DMXL1: variants seen among roughly 807,000 people sequenced by gnomAD.
The protein encoded by DMXL1 is Dmx like 1.
A neutral mutation model predicts 319.2 loss-of-function variants in DMXL1; 99 were observed. The observed-to-expected ratio is 0.31, with a 90% CI of 0.26 to 0.37. The LOEUF is 0.37. DMXL1 is among the 10% of genes least tolerant of loss of function. The pLI, the probability that DMXL1 is intolerant of heterozygous loss-of-function variation, is 1.00. For missense variants in DMXL1, 3,745 were observed against 3,595.6 expected, an observed-to-expected ratio of 1.04 and a Z score of -1.06; for synonymous variants, 1,385 against 1,235.2, an observed-to-expected ratio of 1.12 and a Z score of -2.54.
chr5:119,157,450 A>G (rs77833589), intron 19 of DMXL1, among the ~76,000 whole-genome samples: 4,120 of 152,258 alleles, frequency 0.027, 172 homozygotes, highest in African/African-American at 0.094. Flanking sequence ...TAGTTTTACA[A>G]TGCAGGTCTT....
At chr5:119,141,209 C>T (rs1002463778) in intron 13 of DMXL1, among the ~76,000 whole-genome samples, 1 of 152,178 alleles carries the variant, frequency 6.6e-6, no homozygotes, top group African/African-American at 2.4e-5. Context: ...AAAGGATGCC[C>T]TGTCTTGCCA....
intron 9 of DMXL1, among the ~76,000 whole-genome samples, 169 bp from the exon 10 acceptor site, chr5:119,129,042 G>A (rs1259294657): frequency 1.3e-5 from 2 of 152,086 alleles, no homozygotes; most frequent in Non-Finnish European, 2.9e-5. Flanking sequence ...TGGCAACAGA[G>A]CGAAACTCTG....
intron 1 of DMXL1, among the ~76,000 whole-genome samples, chr5:119,089,165 CT>C (rs1754024941): frequency 6.7e-6 from 1 of 148,982 alleles, no homozygotes; most frequent in Admixed American, 6.7e-5. Flanking sequence ...AACATTTTGT[CT>C]TTTAGCATTT....
chr5:119,144,975 G>A (rs79612869), intron 15 of DMXL1, among the ~76,000 whole-genome samples: 4,235 of 151,724 alleles, frequency 0.028, 73 homozygotes, highest in Middle Eastern at 0.048. Context: ...ATAATTTAAA[G>A]AAGTAGCTTA....
chr5:119,171,016 C>G lies in DMXL1; in HGVS notation c.6225C>G (p.Asp2075Glu), dbSNP rs934170346. ...TGATAGCTCTTCAGAGGACTTGTGACTTTTGCTCAGATGCTGAAGAACTAC... is the reference window on the plus strand; with the variant it reads ...TGATAGCTCTTCAGAGGACTTGTGAGTTTTGCTCAGATGCTGAAGAACTAC... Reference protein sequence around the residue: ...KEVIALQRTCDFCSDAEELQS... With the variant: ...KEVIALQRTCEFCSDAEELQS... The change falls in exon 24 of 44, where the codon GAC becomes GAG. Residue 2075 changes from aspartate (D) to glutamate (E), a missense_variant. Asp to Glu is a conservative substitution (Grantham distance 45). This residue lies in a region of DMXL1 where 1,382 missense variants were observed against 1,269.5 expected (regional missense o/e 1.09). Coordinates refer to ENST00000539542, the MANE Select transcript of DMXL1 (RefSeq NM_001290321.3). The G allele has an allele frequency of 5.0e-6, 8 of 1,613,688 alleles. No homozygotes were observed. In the African/African-American group the frequency reaches 9.4e-5, roughly 19 times the overall value.
chr5:119,210,757 G>GTTTTTTTTTTTTTTTTTTTTTCTTTTTT, intron 34 of DMXL1, among the ~76,000 whole-genome samples: 9 of 89,776 alleles, frequency 1.0e-4, no homozygotes, highest in African/African-American at 1.2e-4. Flanking sequence ...TTTTTCTTTC[G>GTTTTTTTTTTTTTTTTTTTTTCTTTTTT]TTTTTTTTTT....
intron 39 of DMXL1, 102 bp downstream of exon 39, chr5:119,233,569 A>G (rs1307786659): frequency 3.4e-6 from 3 of 880,480 alleles, no homozygotes; most frequent in Non-Finnish European, 5.3e-6. Flanking sequence ...GGGTAGTAGT[A>G]AAGTATTGAT....
chr5:119,178,464 T>G, intron 28 of DMXL1: 1 of 408,954 alleles, frequency 2.4e-6, no homozygotes, highest in Non-Finnish European at 3.3e-6. Flanking sequence ...AACGATCTTA[T>G]GTAAATTTAT....
At position 119,150,261 on chromosome 5, in the gene DMXL1, G is replaced by T. The variant is rs762552633; in HGVS notation, c.4434G>T (p.Pro1478=). 6.2e-7 allele frequency: 1 copy of T among 1,613,698 alleles called. No individual in the cohort carries two copies. The highest frequency in any genetic ancestry group is 1.1e-5 in the South Asian group (1 of 91,016). ...PRVIDLSQYS[P]TYFGPEHAQV... ...TTATTGACCTTTCACAGTACAGTCC[G>T]ACTTACTTTGGACCTGAGCATGCTC... Residue 1478 remains proline (P), a synonymous_variant, in exon 18 of 44, where the codon CCG becomes CCT. Coordinates refer to ENST00000539542, the MANE Select transcript of DMXL1 (RefSeq NM_001290321.3).
intron 9 of DMXL1, among the ~76,000 whole-genome samples, chr5:119,122,769 C>T (rs144664588): frequency 6.6e-6 from 1 of 151,666 alleles, no homozygotes; most frequent in Non-Finnish European, 1.5e-5. Context: ...AGGCGCTCCT[C>T]ACTTACTAGA....
intron 38 of DMXL1, 86 bp downstream of exon 38, chr5:119,224,855 T>A: frequency 1.8e-6 from 1 of 566,672 alleles, no homozygotes; most frequent in Non-Finnish European, 2.8e-6. Flanking sequence ...TGTGGGAACC[T>A]TTTTGTTTTA....
rs142980532 is a variant in DMXL1, at chr5:119,125,287, A to G, written c.1103-3924A>G. Among the ~76,000 whole-genome samples, 334 of 152,336 alleles carry G rather than the reference A, an allele frequency of 2.2e-3. 1 individual carries two copies. The highest frequency in any genetic ancestry group is 7.4e-3 in the African/African-American group (307 of 41,588). ...TTCTAGTGAATTAGACTGCATAAAT[A>G]GAAAAAGATTGATTCATTAGCTTTA... On this transcript the variant is annotated intron_variant, in intron 9 of 43. Coordinates refer to ENST00000539542, the MANE Select transcript of DMXL1 (RefSeq NM_001290321.3).
rs1264705232 is a variant in DMXL1, at chr5:119,247,168, G to A, written c.9096G>A (p.Gln3032=). Residue 3032 remains glutamine, a synonymous_variant, in exon 44 of 44, where the codon CAG becomes CAA. Transcript: ENST00000539542. ...TGAAAATGAGAATACTGCCAGATCAGTTTAGCCCTTTAAATGAAGTGTTGA... is the reference window on the plus strand; with the variant it reads ...TGAAAATGAGAATACTGCCAGATCAATTTAGCCCTTTAAATGAAGTGTTGA... ...GTMKMRILPD[Q]FSPLNEVLKN... 10 of 1,613,708 alleles carry A rather than the reference G, an allele frequency of 6.2e-6. No homozygotes were observed. In the Admixed American group the frequency reaches 1.2e-4, roughly 19 times the overall value.
intron 39 of DMXL1, chr5:119,236,505 A>G (rs1200221453): frequency 6.6e-6 from 1 of 152,024 alleles, no homozygotes; most frequent in African/African-American, 2.4e-5. Flanking sequence ...CACAAGAATG[A>G]TCTAAATTTA....
In DMXL1 at chr5:119,098,108, T is replaced by G; in HGVS notation, c.213+4T>G. On this transcript the variant is annotated splice_donor_region_variant and intron_variant, in intron 2 of 43. Transcript: ENST00000539542. The stretch of plus-strand genomic sequence containing the variant: ...CTGTTCAATGCAACAAGGCAAGGTT[T>G]GTAATCTTCTTCTAATATACAAATT... 2 of 1,597,150 alleles carry G rather than the reference T, an allele frequency of 1.3e-6. No individual in the cohort carries two copies. The highest frequency in any genetic ancestry group is 2.3e-5 in the South Asian group (2 of 87,116).
At chr5:119,109,085 G>A (rs1014238371) in intron 4 of DMXL1, among the ~76,000 whole-genome samples, 5 of 152,180 alleles carry the variant, frequency 3.3e-5, no homozygotes, top group Admixed American at 3.3e-4. Flanking sequence ...GCAGGTGTGA[G>A]CCACCGTGCC....
chr5:119,165,148 T>G (rs759725022), intron 20 of DMXL1, 35 bp from the exon 21 acceptor site: 4 of 1,286,766 alleles, frequency 3.1e-6, no homozygotes, highest in South Asian at 1.3e-5. Flanking sequence ...CAAAACTGTT[T>G]CTGTGAAATT....
At chr5:119,236,783 T>G (rs1458502259) in intron 39 of DMXL1, 1 of 152,004 alleles carries the variant, frequency 6.6e-6, no homozygotes, top group Admixed American at 6.6e-5. Flanking sequence ...GCTGTCTTAC[T>G]CATCCTTCAA....
At chr5:119,232,505 G>C (rs1460546801) in intron 38 of DMXL1, among the ~76,000 whole-genome samples, 8 of 151,938 alleles carry the variant, frequency 5.3e-5, no homozygotes, top group African/African-American at 1.9e-4. Flanking sequence ...ATATTTCTGG[G>C]TGCCTTATAT....
Sources: gnomAD v4.1 joint callset for allele counts (sites outside exome capture counted in the v4.1 genomes callset) on GRCh38, gnomAD v4.1.1 for gene constraint, gnomAD v4.1.1 regional missense constraint, MANE v1.5 for transcripts, NCBI Gene and HGNC (gene_info 2026-07-23, HGNC 2026-07-21) for gene names.